EMCN: variants seen among roughly 807,000 people sequenced by gnomAD.
EMCN encodes the protein MUC-14.
A neutral mutation model predicts 38.4 loss-of-function variants in EMCN; 37 were observed. The ratio of observed to expected loss-of-function variants is 0.96; its 90% CI spans 0.74 to 1.27. EMCN has a LOEUF of 1.27. Ranked by LOEUF, EMCN falls within the 50% of genes most tolerant of loss-of-function variation. The pLI is 0.00. For missense variants in EMCN, 318 were observed against 302.8 expected (o/e 1.05, Z -0.37); for synonymous variants, 95 against 100.8 (o/e 0.94, Z 0.35).
chr4:100,402,884 T>G (rs1048147758), intron 11 of EMCN, among the ~76,000 whole-genome samples: 1 of 152,104 alleles, frequency 6.6e-6, no homozygotes, highest in African/African-American at 2.4e-5. Flanking sequence ...GTTACTAATA[T>G]TTGAGCATTT....
At chr4:100,517,603 A>G (rs950527501) in intron 1 of EMCN, among the ~76,000 whole-genome samples, 8 of 152,050 alleles carry the variant, frequency 5.3e-5, no homozygotes, top group African/African-American at 1.9e-4. Context: ...GTATATTTCC[A>G]GTACTTTGTG....
intron 5 of EMCN, among the ~76,000 whole-genome samples, chr4:100,444,430 C>G (rs34840182): frequency 0.12 from 18,995 of 152,130 alleles, 1,383 homozygotes; most frequent in Middle Eastern, 0.17. Flanking sequence ...GTTTACTGCT[C>G]TAGTGTAAGT....
intron 2 of EMCN, among the ~76,000 whole-genome samples, chr4:100,479,320 T>C (rs1728745772): frequency 6.6e-6 from 1 of 152,192 alleles, no homozygotes; most frequent in Non-Finnish European, 1.5e-5. Context: ...TTTTTGTGTG[T>C]TGCAAGATGG....
intron 3 of EMCN, among the ~76,000 whole-genome samples, chr4:100,470,611 A>C (rs145304282): frequency 6.2e-4 from 95 of 152,136 alleles, no homozygotes; most frequent in Admixed American, 2.7e-3. Flanking sequence ...TATTCAGAAG[A>C]GTAAAGGCAT....
rs539806849 is a variant in EMCN, at chr4:100,409,242, T to TTTTTTAG, written c.*39+1039_*39+1040insCTAAAAA. 3.4e-3 allele frequency among the ~76,000 whole-genome samples: 522 copies of TTTTTTAG among 152,314 alleles called. 6 individuals carry two copies. The highest frequency in any genetic ancestry group is 0.012 in the African/African-American group (497 of 41,560). ...TTATTTTATTTTATTTTATTTTTTA[T>TTTTTTAG]TGTTAGTTGCCGAAAGGTAGATTCT... is the stretch of plus-strand genomic sequence containing the variant. On this transcript the variant is annotated intron_variant, in intron 11 of 11. Transcript: ENST00000296420.
chr4:100,422,823 T>TTTTC (rs764206088), intron 7 of EMCN, among the ~76,000 whole-genome samples, 198 bp downstream of exon 7: 15,834 of 54,846 alleles, frequency 0.29, 927 homozygotes, highest in South Asian at 0.41. Flanking sequence ...CTTTCTTTTC[T>TTTTC]TTTTTTTTTT....
At position 100,444,446 on chromosome 4, in the gene EMCN, A is replaced by T. The variant is rs528118922; in HGVS notation, c.415+3087T>A. On this transcript the variant is annotated intron_variant, in intron 5 of 11. Coordinates refer to ENST00000296420, the MANE Select transcript of EMCN (RefSeq NM_016242.4). ...TTTACTGCTCTAGTGTAAGTCTGTG[A>T]TCCTGGATGGTGGTGGTGGGGTATG... Among the ~76,000 whole-genome samples, 658 of 152,198 alleles carry T rather than the reference A, an allele frequency of 4.3e-3. 2 individuals carry two copies. Among genetic ancestry groups the T allele is most frequent in the Non-Finnish European group, 6.9e-3 (467 of 67,990 alleles).
At chr4:100,427,532 C>A (rs1727084522) in intron 5 of EMCN, among the ~76,000 whole-genome samples, 1 of 151,478 alleles carries the variant, frequency 6.6e-6, no homozygotes, top group Non-Finnish European at 1.5e-5. Context: ...AGTGATCTTC[C>A]CACCTCAGCC....
intron 4 of EMCN, among the ~76,000 whole-genome samples, chr4:100,453,206 A>C: frequency 6.6e-6 from 1 of 152,178 alleles, no homozygotes; most frequent in African/African-American, 2.4e-5. Context: ...CTGCACAGCA[A>C]AAGAAACCAC....
At chr4:100,406,265 C>T (rs985799624) in intron 11 of EMCN, among the ~76,000 whole-genome samples, 1 of 151,828 alleles carries the variant, frequency 6.6e-6, no homozygotes, top group Admixed American at 6.6e-5. Context: ...GGTTATTTTT[C>T]TTTTGCTAGC....
At chr4:100,469,356 G>A (rs530623083) in intron 3 of EMCN, among the ~76,000 whole-genome samples, 1 of 152,136 alleles carries the variant, frequency 6.6e-6, no homozygotes, top group East Asian at 1.9e-4. Flanking sequence ...CAAAAGCTCA[G>A]GGTATGGCCT....
intron 4 of EMCN, among the ~76,000 whole-genome samples, chr4:100,451,349 T>A (rs895287998): frequency 1.3e-5 from 2 of 151,826 alleles, no homozygotes; most frequent in Non-Finnish European, 2.9e-5. Context: ...CCTTGATGAA[T>A]ATGAATGTGT....
chr4:100,491,572 A>C (rs1213839705), intron 1 of EMCN, among the ~76,000 whole-genome samples: 1 of 152,212 alleles, frequency 6.6e-6, no homozygotes, highest in African/African-American at 2.4e-5. Context: ...GGTCCCATCC[A>C]TCCTGATCAG....
At chr4:100,516,631 C>A (rs542782314) in intron 1 of EMCN, among the ~76,000 whole-genome samples, 1 of 152,126 alleles carries the variant, frequency 6.6e-6, no homozygotes, top group South Asian at 2.1e-4. Context: ...GCAACTTAAC[C>A]GCAGAAACTC....
chr4:100,412,779 C>A (rs1413268398), intron 10 of EMCN, among the ~76,000 whole-genome samples: 1 of 152,072 alleles, frequency 6.6e-6, no homozygotes, highest in Non-Finnish European at 1.5e-5. Context: ...TTTAAACATG[C>A]ATGAGTTACA....
intron 5 of EMCN, among the ~76,000 whole-genome samples, chr4:100,434,890 C>A (rs1299865080): frequency 6.6e-6 from 1 of 152,040 alleles, no homozygotes; most frequent in Non-Finnish European, 1.5e-5. Flanking sequence ...ATAATAAGAG[C>A]CATATATGAC....
intron 5 of EMCN, among the ~76,000 whole-genome samples, chr4:100,432,014 T>C (rs1727218116): frequency 1.3e-5 from 2 of 152,186 alleles, no homozygotes; most frequent in Non-Finnish European, 2.9e-5. Flanking sequence ...GGACAAGTTA[T>C]TAGCTCTGCC....
At chr4:100,485,809 G>A (rs1388722643) in intron 1 of EMCN, among the ~76,000 whole-genome samples, 1 of 151,924 alleles carries the variant, frequency 6.6e-6, no homozygotes, top group Non-Finnish European at 1.5e-5. Flanking sequence ...CACATTAAAT[G>A]CAGCAAATTT....
At chr4:100,421,254 G>T in intron 8 of EMCN, 28 bp downstream of exon 8, 1 of 1,586,734 alleles carries the variant, frequency 6.3e-7, no homozygotes, top group Non-Finnish European at 8.6e-7. Flanking sequence ...CTTCTTTCAG[G>T]AAAACAAAAC....
Sources: allele counts gnomAD v4.1 joint callset (sites outside exome capture counted in the v4.1 genomes callset), GRCh38; gene constraint gnomAD v4.1.1; transcripts MANE v1.5; gene names NCBI Gene and HGNC (gene_info 2026-07-23, HGNC 2026-07-21).